Variants in EMCN observed in about 807,000 individuals in gnomAD.
The protein encoded by EMCN is MUC-14.
EMCN carries 37 observed loss-of-function variants against 38.4 expected under a neutral mutation model. The ratio of observed to expected loss-of-function variants is 0.96; its 90% CI spans 0.74 to 1.27. The LOEUF (loss-of-function observed/expected upper bound fraction) is 1.27, where lower values mean the gene tolerates loss of function less well. EMCN is among the 50% of genes most tolerant of loss of function. The pLI is 0.00. For missense variants in EMCN, 318 were observed against 302.8 expected (o/e 1.05, Z -0.37); for synonymous variants, 95 against 100.8 (o/e 0.94, Z 0.35).
chr4:100,418,124 T>C (rs1401960944), intron 8 of EMCN, among the ~76,000 whole-genome samples: 1 of 152,174 alleles, frequency 6.6e-6, no homozygotes, highest in Non-Finnish European at 1.5e-5. Context: ...CATGGCACCA[T>C]ATGCTGCTCA....
chr4:100,447,673 T>C (rs1183103120), intron 4 of EMCN, 102 bp from the exon 5 acceptor site: 1 of 651,550 alleles, frequency 1.5e-6, no homozygotes, highest in Admixed American at 2.7e-5. Context: ...GAATTTTAGC[T>C]CATTTCTGAT....
chr4:100,503,336 TTTGGCATAAGGCAAAATTA>T (rs139557444), intron 1 of EMCN, among the ~76,000 whole-genome samples: 2,037 of 152,218 alleles, frequency 0.013, 47 homozygotes, highest in African/African-American at 0.046. Flanking sequence ...GGCATAAGGC[TTTGGCATAAGGCAAAATTA>T]TTGGCATAAG....
intron 5 of EMCN, among the ~76,000 whole-genome samples, chr4:100,430,052 T>C (rs1481303490): frequency 6.6e-6 from 1 of 152,196 alleles, no homozygotes; most frequent in African/African-American, 2.4e-5. Flanking sequence ...TTTGAGATAT[T>C]CTCACCTCTT....
chr4:100,473,279 G>A (rs945685587), intron 3 of EMCN, among the ~76,000 whole-genome samples: 2 of 149,166 alleles, frequency 1.3e-5, no homozygotes, highest in Non-Finnish European at 3.0e-5. Flanking sequence ...CACACTTCTC[G>A]GCCTCCCAAA....
intron 1 of EMCN, among the ~76,000 whole-genome samples, chr4:100,516,895 C>T (rs1729773408): frequency 6.6e-6 from 1 of 151,680 alleles, no homozygotes; most frequent in Non-Finnish European, 1.5e-5. Context: ...CTGAATCAGT[C>T]TTTCCCAATT....
intron 11 of EMCN, among the ~76,000 whole-genome samples, chr4:100,408,759 G>T (rs935624955): frequency 2.0e-5 from 3 of 152,124 alleles, no homozygotes; most frequent in African/African-American, 4.8e-5. Flanking sequence ...TGGCAGCAGG[G>T]GCAGGGACCT....
At chr4:100,474,366 C>T (rs1728576336) in intron 3 of EMCN, among the ~76,000 whole-genome samples, 3 of 152,024 alleles carry the variant, frequency 2.0e-5, no homozygotes, top group Admixed American at 6.6e-5. Context: ...CAAGTGTTAG[C>T]TAGAATATAG....
chr4:100,459,499 A>G (rs1728116229), intron 4 of EMCN, among the ~76,000 whole-genome samples: 1 of 152,094 alleles, frequency 6.6e-6, no homozygotes, highest in Admixed American at 6.6e-5. Flanking sequence ...TAGGTTGTAA[A>G]ATAGGTCTCC....
rs73833339 is a variant in EMCN at position 100,451,936 on chromosome 4, T to A, written c.377-4365A>T. On this transcript the variant is annotated intron_variant, in intron 4 of 11. Transcript: ENST00000296420. ...AATCCTATTTTAATTATTTTACAGATGAAGAAACTGAGGCACTGAGAAGTT... is the reference window on the plus strand; with the variant it reads ...AATCCTATTTTAATTATTTTACAGAAGAAGAAACTGAGGCACTGAGAAGTT... 6.4e-3 allele frequency among the ~76,000 whole-genome samples: 978 copies of A among 152,112 alleles called. 12 individuals carry two copies. Among genetic ancestry groups the A allele is most frequent in the African/African-American group, 0.022 (902 of 41,554 alleles).
intron 4 of EMCN, among the ~76,000 whole-genome samples, chr4:100,448,479 CACAAA>C (rs1446772928): frequency 6.6e-6 from 1 of 152,064 alleles, no homozygotes; most frequent in East Asian, 1.9e-4. Flanking sequence ...TTTCCAGTTG[CACAAA>C]ACAAAACGTC....
intron 5 of EMCN, among the ~76,000 whole-genome samples, chr4:100,443,879 G>A (rs546023667): frequency 1.9e-4 from 29 of 152,264 alleles, no homozygotes; most frequent in Middle Eastern, 6.8e-3. Context: ...TAGAAGCTTG[G>A]GTCCAGGGAG....
At chr4:100,479,208 G>A (rs561546879) in intron 2 of EMCN, among the ~76,000 whole-genome samples, 1 of 152,198 alleles carries the variant, frequency 6.6e-6, no homozygotes, top group Admixed American at 6.5e-5. Flanking sequence ...ATGATTTTCT[G>A]GGGTCTTTCT....
intron 8 of EMCN, among the ~76,000 whole-genome samples, chr4:100,417,667 G>A (rs916457800): frequency 6.6e-6 from 1 of 152,094 alleles, no homozygotes; most frequent in Non-Finnish European, 1.5e-5. Flanking sequence ...GCAAAATGTC[G>A]CAGAGGCTAC....
intron 5 of EMCN, among the ~76,000 whole-genome samples, chr4:100,432,871 G>A (rs1434314524): frequency 6.6e-6 from 1 of 151,780 alleles, no homozygotes; most frequent in Admixed American, 6.6e-5. Context: ...TATATTTAAG[G>A]TATACAACAT....
At chr4:100,446,035 T>C (rs1290741098) in intron 5 of EMCN, 2 of 981,880 alleles carry the variant, frequency 2.0e-6, no homozygotes, top group Middle Eastern at 5.2e-4. Context: ...TAAAATTTAT[T>C]TAAACAAAAT....
Position 100,397,428 on chromosome 4 carries a change from A to T in EMCN, c.*985T>A, listed in dbSNP as rs1726146824. On this transcript the variant is annotated 3_prime_UTR_variant, in exon 12 of 12. Coordinates refer to ENST00000296420, the MANE Select transcript of EMCN (RefSeq NM_016242.4). ...ATGAAAAATAATATCATAATTATGT[A>T]TTTATAAAGTGTTGATTTTCTACAA... 6.6e-6 allele frequency: 1 copy of T among 152,202 alleles called. No individual in the cohort carries two copies. The highest frequency in any genetic ancestry group is 2.1e-4 in the South Asian group (1 of 4,832). The allele number at this position is 152,202 out of a possible 1,614,324, so 9.4% of individuals were successfully genotyped here.
At chr4:100,456,163 G>A (rs1440185276) in intron 4 of EMCN, among the ~76,000 whole-genome samples, 1 of 151,984 alleles carries the variant, frequency 6.6e-6, no homozygotes. Flanking sequence ...ATGTATCTTA[G>A]GCCCCTGGGG....
At chr4:100,456,844 T>C (rs1728030422) in intron 4 of EMCN, among the ~76,000 whole-genome samples, 1 of 152,154 alleles carries the variant, frequency 6.6e-6, no homozygotes, top group African/African-American at 2.4e-5. Context: ...TTCCATTAAA[T>C]TGTTTGTTAA....
intron 1 of EMCN, among the ~76,000 whole-genome samples, chr4:100,488,347 G>A (rs544852375): frequency 1.2e-4 from 19 of 152,218 alleles, no homozygotes; most frequent in African/African-American, 4.6e-4. Context: ...TGCCCAAAAG[G>A]GAATTGTGTA....
Sources: gnomAD v4.1 joint callset for allele counts (sites outside exome capture counted in the v4.1 genomes callset) on GRCh38, gnomAD v4.1.1 for gene constraint, MANE v1.5 for transcripts, NCBI Gene and HGNC (gene_info 2026-07-23, HGNC 2026-07-21) for gene names.